RC3H1: variants seen among roughly 807,000 people sequenced by gnomAD.
The protein encoded by RC3H1 is roquin-1.
A neutral mutation model predicts 138.2 loss-of-function variants in RC3H1; 50 were observed. That is an observed-to-expected ratio of 0.36 (90% confidence interval 0.29 to 0.46). The LOEUF is 0.46. Ranked by LOEUF, RC3H1 falls within the 20% of genes least tolerant of loss-of-function variation. The pLI is 1.00. For missense variants in RC3H1, 1,031 were observed against 1,388.1 expected (o/e 0.74, Z 4.09); for synonymous variants, 462 against 489.1 (o/e 0.94, Z 0.73).
At chr1:174,013,178 A>G (rs1351597851) in intron 1 of RC3H1, among the ~76,000 whole-genome samples, 1 of 152,074 alleles carries the variant, frequency 6.6e-6, no homozygotes, top group Non-Finnish European at 1.5e-5. Flanking sequence ...GGTTGCTGAT[A>G]GTACAAGCAA....
At chr1:174,003,643 G>A (rs573201338) in intron 1 of RC3H1, among the ~76,000 whole-genome samples, 3 of 151,736 alleles carry the variant, frequency 2.0e-5, no homozygotes, top group African/African-American at 7.2e-5. Context: ...TAGACTGTAA[G>A]TTCCTGAAAA....
intron 4 of RC3H1, 144 bp from the exon 5 acceptor site, chr1:173,983,046 A>C (rs1660886215): frequency 3.2e-6 from 2 of 633,112 alleles, no homozygotes; most frequent in Non-Finnish European, 5.1e-6. Flanking sequence ...ACACTTTTAC[A>C]CCATTTTTGT....
chr1:173,970,339 A>G (rs1341554672), intron 9 of RC3H1, among the ~76,000 whole-genome samples, 166 bp downstream of exon 9: 2 of 152,174 alleles, frequency 1.3e-5, no homozygotes, highest in African/African-American at 4.8e-5. Context: ...GCATTTTTGG[A>G]TTTTGAAGCA....
intron 1 of RC3H1, among the ~76,000 whole-genome samples, chr1:174,021,572 G>A (rs1661961164): frequency 6.6e-6 from 1 of 152,052 alleles, no homozygotes. Context: ...GATCTCCAGG[G>A]ACTTCAGGGA....
Position 173,943,472 on chromosome 1 carries a change from T to C in RC3H1, c.3105A>G (p.Glu1035=), listed in dbSNP as rs1169774216. Reference sequence around the variant, plus strand: ...TCAGTTCCCGTGTTCTCTTCCCGATTTCCCTTTCCACCTGGTGCAGTTCCA... The same window carrying C: ...TCAGTTCCCGTGTTCTCTTCCCGATCTCCCTTTCCACCTGGTGCAGTTCCA... ...LSLELHQVER[E]IGKRTRELSM... Residue 1035 remains glutamate, a synonymous_variant, in exon 18 of 20, where the codon GAA becomes GAG. Transcript: ENST00000367696. The C allele has an allele frequency of 6.2e-6, 10 of 1,613,984 alleles. No homozygotes were observed. The highest frequency in any genetic ancestry group is 8.5e-6 in the Non-Finnish European group (10 of 1,179,938).
At position 173,992,687 on chromosome 1, in the gene RC3H1, CACACACACACACAGAG is replaced by C; in HGVS notation, c.231+52_231+67del. ...CACGCACAACACACACACACACACA[CACACACACACACAGAG>C]AGAGAGAGAGAGAGAGGGAGAAATT... is the stretch of plus-strand genomic sequence containing the variant. On this transcript the variant is annotated intron_variant, in intron 2 of 19. Coordinates refer to ENST00000367696, the MANE Select transcript of RC3H1 (RefSeq NM_172071.4). 2.6e-6 allele frequency: 3 copies of C among 1,156,140 alleles called. No homozygotes were observed. The African/African-American group carries it at 4.6e-5, about 18-fold the overall frequency. 71.6% of individuals were successfully genotyped at this position (1,156,140 alleles called of 1,614,324 possible).
At chr1:173,986,281 A>G (rs533220456) in intron 2 of RC3H1, among the ~76,000 whole-genome samples, 50 of 152,260 alleles carry the variant, frequency 3.3e-4, no homozygotes, top group African/African-American at 1.2e-3. Context: ...AACAACTAAA[A>G]TCCATGTTAA....
intron 1 of RC3H1, among the ~76,000 whole-genome samples, chr1:174,017,344 T>G (rs1278335078): frequency 6.6e-6 from 1 of 152,160 alleles, no homozygotes; most frequent in African/African-American, 2.4e-5. Context: ...AAAACAAAAC[T>G]GCAAACTTCT....
chr1:173,984,987 T>A (rs1012029283), intron 2 of RC3H1, among the ~76,000 whole-genome samples: 4 of 152,162 alleles, frequency 2.6e-5, no homozygotes, highest in Admixed American at 6.5e-5. Context: ...TTCCCAACCA[T>A]CCACCAACCT....
At chr1:173,940,395 C>T (rs1557916253) in intron 19 of RC3H1, among the ~76,000 whole-genome samples, 1 of 151,976 alleles carries the variant, frequency 6.6e-6, no homozygotes, top group Non-Finnish European at 1.5e-5. Context: ...CGCTTGAACC[C>T]AGGAGGCGGA....
chr1:174,015,407 G>A (rs1347095037), intron 1 of RC3H1, among the ~76,000 whole-genome samples: 2 of 150,942 alleles, frequency 1.3e-5, no homozygotes, highest in Non-Finnish European at 1.5e-5. Context: ...CTGTCGCCCA[G>A]GCTGGAGTGC....
rs34997480 is a variant in RC3H1, at chr1:174,014,956, G to A, written c.-151+7140C>T. The stretch of plus-strand genomic sequence containing the variant: ...CATCAGGAGCAATACTTTATATATA[G>A]CACAATATAACAGTTAATGATATAC... On this transcript the variant is annotated intron_variant, in intron 1 of 19. Transcript: ENST00000367696. Among the ~76,000 whole-genome samples, 1,056 of 152,106 alleles carry A rather than the reference G, an allele frequency of 6.9e-3. 5 individuals carry two copies. Among genetic ancestry groups the A allele is most frequent in the Non-Finnish European group, 9.3e-3 (631 of 67,992 alleles).
chr1:174,003,385 TCACACACACA>T lies in RC3H1; in HGVS notation c.-150-10260_-150-10251del, dbSNP rs3220994. On this transcript the variant is annotated intron_variant, in intron 1 of 19. Coordinates refer to ENST00000367696, the MANE Select transcript of RC3H1 (RefSeq NM_172071.4). The stretch of plus-strand genomic sequence containing the variant: ...CTGGGCAACAAGAGCAAGACTCCTA[TCACACACACA>T]CACACACACACACACACACACACAC... Among the ~76,000 whole-genome samples, 5 of 143,326 alleles carry T rather than the reference TCACACACACA, an allele frequency of 3.5e-5. No homozygotes were observed. The East Asian group carries it at 6.3e-4, about 18-fold the overall frequency. The allele number at this position is 143,326 out of a possible 152,430, so 94.0% of individuals were successfully genotyped here. A position where few individuals can be genotyped will look rare whatever the true frequency, so the allele number is the denominator to read the frequency against.
chr1:173,943,649 A>T, intron 17 of RC3H1, 34 bp from the exon 18 acceptor site: 1 of 1,580,862 alleles, frequency 6.3e-7, no homozygotes, highest in Non-Finnish European at 8.6e-7. Context: ...AGAAAACTCA[A>T]CACACTTCAC....
chr1:173,991,369 C>T (rs1236809149), intron 2 of RC3H1, among the ~76,000 whole-genome samples: 2 of 152,320 alleles, frequency 1.3e-5, no homozygotes, highest in East Asian at 3.9e-4. Flanking sequence ...TTTTCCTTTG[C>T]AGATTCCTTA....
rs1557931567 is a variant in RC3H1, at chr1:173,964,020, T to A, written c.1784A>T (p.Asp595Val). The A allele has an allele frequency of 1.1e-5, 17 of 1,614,122 alleles. No homozygotes were observed. The highest frequency in any genetic ancestry group is 1.4e-5 in the Non-Finnish European group (17 of 1,180,010). ...AAATGGCGGAGCTGCTCCTCGAGGA[T>A]CCTGATAATAAACATCCGTCTGTTG... Reference protein sequence around the residue: ...PAQQTDVYYQDPRGAAPPFEP... With the variant: ...PAQQTDVYYQVPRGAAPPFEP... Residue 595 changes from aspartate (D) to valine (V), a missense_variant, in exon 11 of 20, where the codon GAT (aspartate) becomes GTT (valine). Asp to Val is a radical substitution (Grantham distance 152). Coordinates refer to ENST00000367696, the MANE Select transcript of RC3H1 (RefSeq NM_172071.4).
chr1:173,951,328 C>A (rs974930756), intron 14 of RC3H1, among the ~76,000 whole-genome samples: 7 of 151,556 alleles, frequency 4.6e-5, no homozygotes, highest in African/African-American at 1.5e-4. Flanking sequence ...TCCATCCCCC[C>A]CCCAAAAAAA....
intron 5 of RC3H1, among the ~76,000 whole-genome samples, chr1:173,981,669 G>A (rs1291365138): frequency 6.6e-6 from 1 of 152,190 alleles, no homozygotes; most frequent in Non-Finnish European, 1.5e-5. Flanking sequence ...AGATGCTGGT[G>A]TAATTCTAAA....
chr1:174,011,984 A>ATAGAT (rs1217123256), intron 1 of RC3H1, among the ~76,000 whole-genome samples: 1 of 152,158 alleles, frequency 6.6e-6, no homozygotes, highest in Non-Finnish European at 1.5e-5. Flanking sequence ...ACTGAGGCAG[A>ATAGAT]TAGATAGCTT....
Sources: allele counts gnomAD v4.1 joint callset (sites outside exome capture counted in the v4.1 genomes callset), GRCh38; gene constraint gnomAD v4.1.1; transcripts MANE v1.5; gene names NCBI Gene and HGNC (gene_info 2026-07-23, HGNC 2026-07-21).